Variants in ARVCF observed in about 807,000 individuals in gnomAD.
ARVCF encodes splicing regulator ARVCF.
A neutral mutation model predicts 90.9 loss-of-function variants in ARVCF; 66 were observed. That is an observed-to-expected ratio of 0.73 (90% CI 0.60 to 0.89). ARVCF has a LOEUF of 0.89. Ranked by LOEUF, ARVCF falls within the 40% of genes least tolerant of loss-of-function variation. ARVCF has a pLI of 0.00. For synonymous variants in ARVCF, 653 were observed against 603.4 expected, an observed-to-expected ratio of 1.08 and a Z score of -1.21; for missense variants, 1,469 against 1,382.3, an observed-to-expected ratio of 1.06 and a Z score of -1.00.
chr22:19,973,563 T>C (rs1321766851), intron 13 of ARVCF, 80 bp downstream of exon 13: 3 of 1,526,268 alleles, frequency 2.0e-6, no homozygotes, highest in Non-Finnish European at 1.8e-6. Context: ...AAACCACTCA[T>C]CCTCCAAGCC....
intron 10 of ARVCF, among the ~76,000 whole-genome samples, chr22:19,976,173 G>A (rs1473971321): frequency 2.0e-5 from 3 of 152,152 alleles, no homozygotes; most frequent in Admixed American, 6.5e-5. Context: ...AGAACTAGGG[G>A]GAAACTCCCC....
At chr22:19,996,569 G>A (rs1156472476) in intron 2 of ARVCF, among the ~76,000 whole-genome samples, 1 of 152,210 alleles carries the variant, frequency 6.6e-6, no homozygotes, top group Non-Finnish European at 1.5e-5. Flanking sequence ...GACATGTTGG[G>A]ATCAAGTATT....
At chr22:20,012,851 T>C (rs1944886145) in intron 1 of ARVCF, among the ~76,000 whole-genome samples, 1 of 152,272 alleles carries the variant, frequency 6.6e-6, no homozygotes, top group Admixed American at 6.5e-5. Context: ...ATTGGCAAGC[T>C]ACAGTCCTTT....
At chr22:20,016,523 C>CA (rs1237118475) in intron 1 of ARVCF, 66 bp downstream of exon 1, 1 of 151,482 alleles carries the variant, frequency 6.6e-6, no homozygotes, top group Non-Finnish European at 1.5e-5. Flanking sequence ...GCCCCGCCCC[C>CA]AGTCCCGGCT....
intron 2 of ARVCF, among the ~76,000 whole-genome samples, chr22:19,997,788 A>C (rs779023673): frequency 6.6e-6 from 1 of 152,190 alleles, no homozygotes; most frequent in Non-Finnish European, 1.5e-5. Flanking sequence ...TGAAGTTTGT[A>C]GGAGTGTGGA....
chr22:19,973,446 G>A, intron 13 of ARVCF, 129 bp from the exon 14 acceptor site: 1 of 1,341,814 alleles, frequency 7.5e-7, no homozygotes, highest in Non-Finnish European at 9.9e-7. Flanking sequence ...GGCGGTCACA[G>A]GAGCCCCTGT....
At chr22:19,968,118 A>G (rs924848745), downstream of ARVCF, among the ~76,000 whole-genome samples, 3 of 152,294 alleles carry the variant, frequency 2.0e-5, no homozygotes, top group South Asian at 2.1e-4. Context: ...GGTCAGGCCA[A>G]TATTGTCTCC....
intron 2 of ARVCF, among the ~76,000 whole-genome samples, chr22:19,997,089 C>G (rs2531693): frequency 0.36 from 55,224 of 152,204 alleles, 10,620 homozygotes; most frequent in Non-Finnish European, 0.44. Flanking sequence ...CACTGGCCAG[C>G]CCCAGGGGGC....
chr22:19,973,426 C>G, intron 13 of ARVCF, 109 bp from the exon 14 acceptor site: 1 of 1,393,628 alleles, frequency 7.2e-7, no homozygotes. Context: ...CTGGAGACCG[C>G]CTGTGTGCAG....
chr22:19,981,160 G>C, intron 5 of ARVCF, 51 bp downstream of exon 5: 1 of 1,465,228 alleles, frequency 6.8e-7, no homozygotes, highest in Non-Finnish European at 9.0e-7. Flanking sequence ...TTGGGGGGTG[G>C]AGGGCAGACT....
intron 2 of ARVCF, among the ~76,000 whole-genome samples, chr22:19,999,910 A>T (rs1412641577): frequency 3.9e-5 from 6 of 152,154 alleles, no homozygotes; most frequent in Non-Finnish European, 8.8e-5. Context: ...CCCTCCCCTG[A>T]CCTTCTAGAA....
chr22:20,009,793 A>T (rs1028460149), intron 2 of ARVCF, among the ~76,000 whole-genome samples: 2 of 152,252 alleles, frequency 1.3e-5, no homozygotes, highest in Non-Finnish European at 2.9e-5. Flanking sequence ...CATGATAAGC[A>T]GAGGAACCCC....
At chr22:19,990,222 C>T (rs1479094028) in intron 3 of ARVCF, among the ~76,000 whole-genome samples, 1 of 152,204 alleles carries the variant, frequency 6.6e-6, no homozygotes. Context: ...CTGGGGCTGA[C>T]CCACCAGTGC....
chr22:19,967,057 T>C (rs1485177517), downstream of ARVCF: 6 of 1,213,338 alleles, frequency 4.9e-6, no homozygotes, highest in Admixed American at 6.9e-5. Context: ...GCTGCCTTCT[T>C]TCCCCTCTTG....
At position 19,982,017 on chromosome 22, in the gene ARVCF, C is replaced by A; in HGVS notation, c.285G>T (p.Thr95=). 6.2e-7 allele frequency: 1 copy of A among 1,613,068 alleles called. No homozygotes were observed. The highest frequency in any genetic ancestry group is 8.5e-7 in the Non-Finnish European group (1 of 1,179,982). The change falls in exon 4 of 20, where the codon ACG becomes ACT. Residue 95 remains threonine (T), a synonymous_variant. Transcript: ENST00000263207. The part of the protein sequence containing the change: ...EAPDVLEETV[T]VEEDPGTPTS... ...TGGGTGTGCCGGGGTCCTCCTCCAC[C>A]GTCACGGTCTCCTCCAGCACATCAG...
At chr22:19,999,822 A>C (rs1207270910) in intron 2 of ARVCF, among the ~76,000 whole-genome samples, 2 of 152,038 alleles carry the variant, frequency 1.3e-5, no homozygotes, top group Non-Finnish European at 2.9e-5. Flanking sequence ...TTCAGGCTGG[A>C]GACAGAACCA....
rs200739516 is a variant in ARVCF, at chr22:19,979,124, C to T, written c.1397-44G>A. ...CAATCTGTGCTGACCATATGCACCG[C>T]CTGCCTACCTCCCCAGGTGGCCACG... is the stretch of plus-strand genomic sequence containing the variant. On this transcript the variant is annotated intron_variant, in intron 6 of 19. Transcript: ENST00000263207. 555 of 1,579,060 alleles carry T rather than the reference C, an allele frequency of 3.5e-4. 1 individual carries two copies. In the African/African-American group the frequency reaches 6.6e-3, roughly 19 times the overall value.
chr22:20,013,784 G>A (rs1944923394), intron 1 of ARVCF, among the ~76,000 whole-genome samples: 1 of 152,234 alleles, frequency 6.6e-6, no homozygotes, highest in Admixed American at 6.5e-5. Flanking sequence ...CCTGAGCCAG[G>A]AAAACCTACT....
chr22:20,013,899 G>T (rs1266766881), intron 1 of ARVCF, among the ~76,000 whole-genome samples: 1 of 151,960 alleles, frequency 6.6e-6, no homozygotes, highest in African/African-American at 2.4e-5. Flanking sequence ...TTGAGACGGA[G>T]TCTCACCCTG....
Sources: gnomAD v4.1 joint callset for allele counts (sites outside exome capture counted in the v4.1 genomes callset) on GRCh38, gnomAD v4.1.1 for gene constraint, MANE v1.5 for transcripts, NCBI Gene and HGNC (gene_info 2026-07-23, HGNC 2026-07-21) for gene names.